SKAP1: variants seen among roughly 807,000 people sequenced by gnomAD.
The protein encoded by SKAP1 is src kinase associated phosphoprotein 1, also known as src kinase-associated phosphoprotein 1.
In SKAP1, 44 loss-of-function variants were observed where a neutral mutation model predicts 58.5. The observed-to-expected ratio is 0.75, with a 90% CI of 0.59 to 0.97. SKAP1 has a LOEUF of 0.97. Ranked by LOEUF, SKAP1 falls within the 50% of genes least tolerant of loss-of-function variation. The pLI is 0.00. For missense variants in SKAP1, 390 were observed against 435.2 expected (o/e 0.90, Z 0.92); for synonymous variants, 127 against 149.7 (o/e 0.85, Z 1.11).
chr17:48,412,306 T>C (rs1159338574), intron 1 of SKAP1, among the ~76,000 whole-genome samples: 1 of 152,250 alleles, frequency 6.6e-6, no homozygotes, highest in Non-Finnish European at 1.5e-5. Context: ...TGGCCATCTC[T>C]GGGTAGTGAA....
At chr17:48,278,210 A>G (rs1157587378) in intron 4 of SKAP1, among the ~76,000 whole-genome samples, 5 of 151,996 alleles carry the variant, frequency 3.3e-5, no homozygotes, top group Admixed American at 6.6e-5. Flanking sequence ...TTGTATCTCT[A>G]TCCCCCATTA....
chr17:48,237,979 T>G (rs544184173), intron 4 of SKAP1, among the ~76,000 whole-genome samples: 39 of 151,904 alleles, frequency 2.6e-4, no homozygotes, highest in South Asian at 4.2e-4. Flanking sequence ...TGTTGTTGTT[T>G]TTTGTTTGTT....
At chr17:48,339,825 CCT>C (rs939672887) in intron 4 of SKAP1, among the ~76,000 whole-genome samples, 1 of 152,090 alleles carries the variant, frequency 6.6e-6, no homozygotes, top group African/African-American at 2.4e-5. Flanking sequence ...AGGCCTTACC[CCT>C]GACTCACAAT....
chr17:48,153,761 T>C (rs929221215), intron 11 of SKAP1, among the ~76,000 whole-genome samples: 6 of 151,636 alleles, frequency 4.0e-5, no homozygotes, highest in Non-Finnish European at 5.9e-5. Context: ...CCCCACTTAC[T>C]ACCCCTAAAT....
chr17:48,237,453 C>G (rs2065193980), intron 4 of SKAP1, among the ~76,000 whole-genome samples: 1 of 152,172 alleles, frequency 6.6e-6, no homozygotes, highest in Admixed American at 6.5e-5. Flanking sequence ...AATCATTGCT[C>G]TAGGCCATGA....
intron 4 of SKAP1, among the ~76,000 whole-genome samples, chr17:48,224,733 T>G (rs1196431533): frequency 6.6e-6 from 1 of 152,154 alleles, no homozygotes; most frequent in Non-Finnish European, 1.5e-5. Context: ...GGTAAATAAA[T>G]ATATTAATGG....
chr17:48,402,692 T>G (rs1253347068), intron 1 of SKAP1, among the ~76,000 whole-genome samples: 1 of 152,086 alleles, frequency 6.6e-6, no homozygotes, highest in African/African-American at 2.4e-5. Context: ...AACTGATGAA[T>G]GGATAGATAA....
Position 48,183,780 on chromosome 17 carries a change from A to C in SKAP1, c.567+943T>G, listed in dbSNP as rs1360450040. ...GTTCAAATTTCAAAAAATTTCTGGA[A>C]ATTACATAATGAAGACCTAGGTCCT... On this transcript the variant is annotated intron_variant, in intron 7 of 12. Coordinates refer to ENST00000336915, the MANE Select transcript of SKAP1 (RefSeq NM_003726.4). Among the ~76,000 whole-genome samples, 3 of 152,230 alleles carry C rather than the reference A, an allele frequency of 2.0e-5. No individual in the cohort carries two copies. In the South Asian group the frequency reaches 6.2e-4, roughly 32 times the overall value.
At chr17:48,188,060 T>G in intron 5 of SKAP1, 134 bp from the exon 6 acceptor site, 1 of 651,888 alleles carries the variant, frequency 1.5e-6, no homozygotes, top group South Asian at 1.8e-5. Flanking sequence ...ACCCTCCTTT[T>G]CACTCCCACA....
chr17:48,211,287 A>AT (rs1052060313), intron 4 of SKAP1, among the ~76,000 whole-genome samples: 12 of 151,562 alleles, frequency 7.9e-5, no homozygotes, highest in South Asian at 2.1e-4. Context: ...ATTAAAAAAA[A>AT]TTTTTTTTTA....
intron 1 of SKAP1, among the ~76,000 whole-genome samples, chr17:48,420,716 T>C (rs940628271): frequency 6.6e-5 from 10 of 152,184 alleles, no homozygotes; most frequent in Admixed American, 1.3e-4. Flanking sequence ...AGGGACTTCA[T>C]GTGAATAGGC....
intron 4 of SKAP1, among the ~76,000 whole-genome samples, chr17:48,286,826 C>A (rs1278021625): frequency 6.6e-6 from 1 of 152,138 alleles, no homozygotes; most frequent in Non-Finnish European, 1.5e-5. Flanking sequence ...TCGCTGGGCG[C>A]GGTGGCTCAT....
intron 4 of SKAP1, among the ~76,000 whole-genome samples, chr17:48,238,148 C>G (rs1471310596): frequency 1.3e-5 from 2 of 151,954 alleles, no homozygotes; most frequent in Non-Finnish European, 2.9e-5. Flanking sequence ...CGCATGCCAC[C>G]ACATCCGGCT....
At chr17:48,259,218 A>C (rs1026516442) in intron 4 of SKAP1, among the ~76,000 whole-genome samples, 2 of 152,086 alleles carry the variant, frequency 1.3e-5, no homozygotes, top group Non-Finnish European at 2.9e-5. Context: ...TTTCAAGCAG[A>C]GGATTCGCAA....
intron 1 of SKAP1, among the ~76,000 whole-genome samples, chr17:48,405,392 CCTTTCTTT>C (rs376278484): frequency 0.032 from 3,398 of 107,300 alleles, 109 homozygotes; most frequent in East Asian, 0.12. Flanking sequence ...TTTTCTCTTT[CCTTTCTTT>C]CTTTCTTTCT....
At chr17:48,375,049 A>G (rs549891812) in intron 2 of SKAP1, among the ~76,000 whole-genome samples, 13 of 152,354 alleles carry the variant, frequency 8.5e-5, no homozygotes, top group African/African-American at 2.4e-4. Flanking sequence ...AGCTCTTTGT[A>G]TATAATGAGA....
chr17:48,313,185 C>T (rs1156985112), intron 4 of SKAP1, among the ~76,000 whole-genome samples: 2 of 151,964 alleles, frequency 1.3e-5, no homozygotes, highest in African/African-American at 2.4e-5. Context: ...GAACAGGAAC[C>T]GAACCTTGAA....
At chr17:48,364,191 C>A (rs2066973526) in intron 2 of SKAP1, among the ~76,000 whole-genome samples, 1 of 152,138 alleles carries the variant, frequency 6.6e-6, no homozygotes, top group Non-Finnish European at 1.5e-5. Context: ...GTCCTAGGTA[C>A]CAAATACCAG....
intron 4 of SKAP1, among the ~76,000 whole-genome samples, chr17:48,235,150 T>C (rs1039182256): frequency 6.6e-6 from 1 of 152,094 alleles, no homozygotes; most frequent in Non-Finnish European, 1.5e-5. Context: ...CTAAGACTAA[T>C]GGAACAATAT....
Sources: allele counts gnomAD v4.1 joint callset (sites outside exome capture counted in the v4.1 genomes callset), GRCh38; gene constraint gnomAD v4.1.1; transcripts MANE v1.5; gene names NCBI Gene and HGNC (gene_info 2026-07-23, HGNC 2026-07-21).